PCDH9: variants seen among roughly 807,000 people sequenced by gnomAD.
PCDH9 encodes protocadherin 9, also known as protocadherin-9.
A neutral mutation model predicts 70.6 loss-of-function variants in PCDH9; 24 were observed. The ratio of observed to expected loss-of-function variants is 0.34; its 90% CI spans 0.25 to 0.48. PCDH9 has a LOEUF of 0.48. PCDH9 is among the 20% of genes least tolerant of loss of function. The pLI, the probability that PCDH9 is intolerant of heterozygous loss-of-function variation, is 0.99. For missense variants in PCDH9, 1,281 were observed against 1,503.6 expected (o/e 0.85, Z 2.45); for synonymous variants, 562 against 558.5 (o/e 1.01, Z -0.09).
At chr13:67,171,240 A>G (rs2088276739) in intron 2 of PCDH9, among the ~76,000 whole-genome samples, 1 of 152,210 alleles carries the variant, frequency 6.6e-6, no homozygotes, top group South Asian at 2.1e-4. Flanking sequence ...TATTTAAAAG[A>G]AAAAGTTGAA....
chr13:66,760,372 G>A (rs1018873752), intron 3 of PCDH9, among the ~76,000 whole-genome samples: 1 of 152,110 alleles, frequency 6.6e-6, no homozygotes, highest in Admixed American at 6.6e-5. Flanking sequence ...TGGATGTTGA[G>A]GGAAGTCAGG....
At chr13:66,594,989 T>G (rs2077084684) in intron 4 of PCDH9, among the ~76,000 whole-genome samples, 1 of 129,790 alleles carries the variant, frequency 7.7e-6, no homozygotes, top group African/African-American at 3.2e-5. Context: ...GAGCATTTAC[T>G]CAAAAAAAAA....
chr13:67,003,933 T>G (rs748376160), intron 2 of PCDH9, among the ~76,000 whole-genome samples: 1 of 152,302 alleles, frequency 6.6e-6, no homozygotes, highest in Middle Eastern at 3.4e-3. Context: ...CAGATGGATG[T>G]GCCCGTTCCC....
At chr13:66,789,977 G>C (rs1437034722) in intron 3 of PCDH9, among the ~76,000 whole-genome samples, 2 of 152,026 alleles carry the variant, frequency 1.3e-5, no homozygotes, top group East Asian at 3.9e-4. Context: ...ATTATTTCTA[G>C]GGCATCTATC....
At chr13:66,353,689 T>C (rs1366103866) in intron 4 of PCDH9, among the ~76,000 whole-genome samples, 1 of 152,176 alleles carries the variant, frequency 6.6e-6, no homozygotes, top group East Asian at 1.9e-4. Context: ...TCTATGCTTA[T>C]TTTATACAAT....
chr13:66,827,935 T>G (rs1346078537), intron 3 of PCDH9, among the ~76,000 whole-genome samples: 1 of 152,156 alleles, frequency 6.6e-6, no homozygotes, highest in Non-Finnish European at 1.5e-5. Context: ...TTTCTTAAAA[T>G]GCATTAATTA....
intron 2 of PCDH9, among the ~76,000 whole-genome samples, chr13:67,037,443 G>C (rs574223081): frequency 2.6e-5 from 4 of 152,116 alleles, no homozygotes; most frequent in African/African-American, 9.7e-5. Context: ...TACTCCAAAA[G>C]TGTTATTTTA....
chr13:66,732,053 G>A (rs2079086498), intron 3 of PCDH9, among the ~76,000 whole-genome samples: 1 of 151,746 alleles, frequency 6.6e-6, no homozygotes, highest in Admixed American at 6.6e-5. Flanking sequence ...TTCAAGATAT[G>A]CTTTTGATTT....
chr13:66,555,875 T>C (rs1292105739), intron 4 of PCDH9, among the ~76,000 whole-genome samples: 1 of 148,848 alleles, frequency 6.7e-6, no homozygotes, highest in Non-Finnish European at 1.5e-5. Context: ...GGTACTACAG[T>C]CACTATTGAA....
chr13:66,551,145 A>G (rs1276057840), intron 4 of PCDH9, among the ~76,000 whole-genome samples: 1 of 151,978 alleles, frequency 6.6e-6, no homozygotes, highest in Non-Finnish European at 1.5e-5. Flanking sequence ...TTTTGCTGTT[A>G]TTGTTGGCTA....
chr13:66,857,860 A>C (rs1167142793), intron 3 of PCDH9, among the ~76,000 whole-genome samples: 1 of 152,088 alleles, frequency 6.6e-6, no homozygotes, highest in Non-Finnish European at 1.5e-5. Context: ...CAATTCATAG[A>C]CATACTGATA....
intron 2 of PCDH9, among the ~76,000 whole-genome samples, chr13:66,915,947 C>CA (rs1272865509): frequency 1.3e-5 from 2 of 151,548 alleles, no homozygotes; most frequent in Admixed American, 1.3e-4. Flanking sequence ...GAATTTGTAG[C>CA]AATTCCTTTC....
At chr13:66,361,017 C>G (rs913841815) in intron 4 of PCDH9, among the ~76,000 whole-genome samples, 2 of 152,046 alleles carry the variant, frequency 1.3e-5, no homozygotes, top group Admixed American at 6.6e-5. Flanking sequence ...TGTGTTTCCT[C>G]AAGTGCTCTT....
chr13:67,155,198 A>T (rs2138399375), intron 2 of PCDH9, among the ~76,000 whole-genome samples: 1 of 152,356 alleles, frequency 6.6e-6, no homozygotes, highest in African/African-American at 2.4e-5. Context: ...AACTGTCTGG[A>T]ACTGAATGCA....
At position 66,304,303 on chromosome 13, in the gene PCDH9, G is replaced by T; in HGVS notation, c.*352C>A. ...AAAAAAAAAGCACAATTTTCTAACT[G>T]GATATGTTTTTCAGTCACTCTAATC... On this transcript the variant is annotated 3_prime_UTR_variant, in exon 5 of 5. Transcript: ENST00000377865. 1 of 147,928 alleles carries T rather than the reference G, an allele frequency of 6.8e-6. No homozygotes were observed. Among genetic ancestry groups the T allele is most frequent in the Non-Finnish European group, 1.4e-5 (1 of 72,362 alleles). 9.2% of individuals were successfully genotyped at this position (147,928 alleles called of 1,614,324 possible). A position where few individuals can be genotyped will look rare whatever the true frequency, so the allele number is the denominator to read the frequency against.
intron 2 of PCDH9, among the ~76,000 whole-genome samples, chr13:66,925,244 T>G (rs1230833578): frequency 6.6e-6 from 1 of 151,858 alleles, no homozygotes; most frequent in Non-Finnish European, 1.5e-5. Context: ...GTTCAAGCCA[T>G]TTTATTTTTA....
chr13:67,218,940 A>T (rs541985526), intron 2 of PCDH9: 1 of 152,062 alleles, frequency 6.6e-6, no homozygotes, highest in South Asian at 2.1e-4. Flanking sequence ...TAAAAGATCA[A>T]GGGAAAATAT....
chr13:66,501,672 A>C (rs960769244), intron 4 of PCDH9, among the ~76,000 whole-genome samples: 1 of 152,110 alleles, frequency 6.6e-6, no homozygotes, highest in Non-Finnish European at 1.5e-5. Flanking sequence ...GTATATTAAA[A>C]AAATTAAGAT....
intron 4 of PCDH9, among the ~76,000 whole-genome samples, chr13:66,404,102 A>G (rs1414865603): frequency 6.6e-6 from 1 of 152,218 alleles, no homozygotes; most frequent in African/African-American, 2.4e-5. Context: ...AAGATGACTC[A>G]GTTATCTAAA....
Sources: allele counts gnomAD v4.1 joint callset (sites outside exome capture counted in the v4.1 genomes callset), GRCh38; gene constraint gnomAD v4.1.1; transcripts MANE v1.5; gene names NCBI Gene and HGNC (gene_info 2026-07-23, HGNC 2026-07-21).